ZNF536: variants seen among roughly 807,000 people sequenced by gnomAD.
The protein encoded by ZNF536 is zinc finger protein 536.
ZNF536 carries 13 observed loss-of-function variants against 84.5 expected under a neutral mutation model. The ratio of observed to expected loss-of-function variants is 0.15; its 90% CI spans 0.10 to 0.24. The LOEUF (loss-of-function observed/expected upper bound fraction) is 0.24, where lower values mean the gene tolerates loss of function less well. Among genes scored for constraint, ZNF536 ranks in the 10% least tolerant of loss-of-function variants. The probability of loss-of-function intolerance (pLI) is 1.00; values close to 1 mark genes in which losing one functional copy is unlikely to be tolerated. For synonymous variants in ZNF536, 811 were observed against 742.5 expected (o/e 1.09, Z -1.50); for missense variants, 1,536 against 1,747.5 (o/e 0.88, Z 2.16).
intron 1 of ZNF536, among the ~76,000 whole-genome samples, chr19:30,283,532 CACA>C (rs2045526000): frequency 6.6e-6 from 1 of 152,340 alleles, no homozygotes; most frequent in East Asian, 1.9e-4. Flanking sequence ...TGATGCCAAA[CACA>C]ACATCTCTAA....
intron 1 of ZNF536, among the ~76,000 whole-genome samples, chr19:30,265,845 G>A (rs989485576): frequency 1.3e-5 from 2 of 152,080 alleles, no homozygotes; most frequent in Non-Finnish European, 1.5e-5. Context: ...AGACTGCTCT[G>A]TCAAAGGGTA....
chr19:30,434,608 A>G (rs2051625703), intron 1 of ZNF536, among the ~76,000 whole-genome samples: 1 of 152,232 alleles, frequency 6.6e-6, no homozygotes, highest in South Asian at 2.1e-4. Context: ...AAGATTGTAT[A>G]AGGCTAACAT....
Position 30,697,090 on chromosome 19 carries a change from C to T in ZNF536, c.170-13667C>T, listed in dbSNP as rs548287581. Among the ~76,000 whole-genome samples, 8 of 152,106 alleles carry T rather than the reference C, an allele frequency of 5.3e-5. No homozygotes were observed. In the South Asian group the frequency reaches 6.3e-4, roughly 12 times the overall value. ...GGCCTCAGGAAACTTACAGTCATGG[C>T]GTAAGGTAAAGGGGAAGCCAGGCAT... On this transcript the variant is annotated intron_variant, in intron 1 of 1. Transcript: ENST00000592773.
At chr19:30,404,840 A>T (rs1299242220) in intron 1 of ZNF536, among the ~76,000 whole-genome samples, 1 of 152,172 alleles carries the variant, frequency 6.6e-6, no homozygotes, top group Non-Finnish European at 1.5e-5. Context: ...CTCAGTCCCC[A>T]AGACGGTCCT....
intron 1 of ZNF536, among the ~76,000 whole-genome samples, chr19:30,652,593 C>T (rs962579172): frequency 3.9e-5 from 6 of 152,256 alleles, no homozygotes; most frequent in Non-Finnish European, 8.8e-5. Flanking sequence ...CAGAGAGGTG[C>T]TTTTCTAAGG....
At position 30,618,450 on chromosome 19, in the gene ZNF536, G is replaced by A. The variant is rs762216788; in HGVS notation, c.169+68936G>A. The stretch of plus-strand genomic sequence containing the variant: ...ATCATCCAATGAAATGGATATATCC[G>A]TTTCACTATACATACATCCAAAGAA... On this transcript the variant is annotated intron_variant, in intron 1 of 1. Coordinates refer to the ZNF536 transcript ENST00000592773. 5.3e-5 allele frequency among the ~76,000 whole-genome samples: 8 copies of A among 151,992 alleles called. No homozygotes were observed. In the South Asian group the frequency reaches 6.3e-4, roughly 12 times the overall value.
At chr19:30,618,977 G>A (rs2048392066) in intron 1 of ZNF536, among the ~76,000 whole-genome samples, 1 of 152,086 alleles carries the variant, frequency 6.6e-6, no homozygotes, top group Admixed American at 6.6e-5. Flanking sequence ...ATTTGTATAA[G>A]TTTAAGGATG....
rs1359313801 is a variant in ZNF536, at chr19:30,444,249, C to A, written c.687C>A (p.His229Gln). The A allele has an allele frequency of 6.5e-7, 1 of 1,548,828 alleles. No homozygotes were observed. Among genetic ancestry groups the A allele is most frequent in the South Asian group, 1.2e-5 (1 of 85,692 alleles). ...QPRPDLKPPP[H>Q]AQQAPLAACT... Reference sequence around the variant, plus strand: ...GGCCGGACCTGAAGCCCCCGCCGCACGCCCAGCAGGCCCCGCTGGCCGCCT... The same window carrying A: ...GGCCGGACCTGAAGCCCCCGCCGCAAGCCCAGCAGGCCCCGCTGGCCGCCT... Residue 229 changes from histidine (H) to glutamine (Q), a missense_variant, in exon 2 of 5, where the codon CAC (histidine) becomes CAA (glutamine). This residue lies in a region of ZNF536 where 138 missense variants were observed against 136.8 expected (regional missense o/e 1.01). Coordinates refer to ENST00000355537, the MANE Select transcript of ZNF536 (RefSeq NM_014717.3).
At chr19:30,503,493 T>G (rs998852164) in intron 2 of ZNF536, among the ~76,000 whole-genome samples, 2 of 152,248 alleles carry the variant, frequency 1.3e-5, no homozygotes, top group Non-Finnish European at 2.9e-5. Context: ...ATGAAAGAAG[T>G]GGGCTACAAA....
intron 1 of ZNF536, among the ~76,000 whole-genome samples, chr19:30,431,992 C>CATATATATATAT (rs561025363): frequency 2.1e-5 from 3 of 144,608 alleles, no homozygotes; most frequent in Middle Eastern, 3.6e-3. Flanking sequence ...TCATTAAAAG[C>CATATATATATAT]ATATATATAT....
chr19:30,366,394 A>G (rs1453737666), intron 3 of ZNF536, among the ~76,000 whole-genome samples: 1 of 149,910 alleles, frequency 6.7e-6, no homozygotes, highest in African/African-American at 2.5e-5. Context: ...CTATCTATCT[A>G]TCTATATCTA....
At chr19:30,646,123 T>C (rs1458279929) in intron 1 of ZNF536, among the ~76,000 whole-genome samples, 2 of 152,186 alleles carry the variant, frequency 1.3e-5, no homozygotes, top group African/African-American at 2.4e-5. Flanking sequence ...CAGCTCTGGT[T>C]TGGCTTGTAG....
intron 2 of ZNF536, among the ~76,000 whole-genome samples, chr19:30,298,225 T>G (rs186570532): frequency 6.6e-6 from 1 of 152,296 alleles, no homozygotes; most frequent in East Asian, 1.9e-4. Context: ...CAGTACCCTC[T>G]TCCCTTTAGA....
intron 2 of ZNF536, among the ~76,000 whole-genome samples, chr19:30,330,758 G>A (rs1056394873): frequency 3.3e-5 from 5 of 152,158 alleles, no homozygotes; most frequent in African/African-American, 1.2e-4. Flanking sequence ...AGGGAACTTC[G>A]AGGCATTGAA....
chr19:30,247,107 G>A (rs1282990093), intron 1 of ZNF536, among the ~76,000 whole-genome samples: 2 of 152,212 alleles, frequency 1.3e-5, no homozygotes, highest in Non-Finnish European at 2.9e-5. Flanking sequence ...CTTCCCCAGT[G>A]TGTTCAAGTC....
At chr19:30,256,222 G>C (rs998835244) in intron 1 of ZNF536, among the ~76,000 whole-genome samples, 4 of 152,236 alleles carry the variant, frequency 2.6e-5, no homozygotes, top group African/African-American at 9.6e-5. Context: ...CTTTGTAGGA[G>C]TTTGTGAAAT....
intron 2 of ZNF536, among the ~76,000 whole-genome samples, chr19:30,506,586 A>C (rs1158216175): frequency 1.3e-5 from 2 of 152,198 alleles, no homozygotes; most frequent in Non-Finnish European, 2.9e-5. Flanking sequence ...GAATGCCCCC[A>C]CACTGTGGAC....
chr19:30,372,918 A>G (rs2048666288), intron 1 of ZNF536, among the ~76,000 whole-genome samples: 2 of 151,850 alleles, frequency 1.3e-5, no homozygotes, highest in East Asian at 3.9e-4. Context: ...CCTGCTTCTA[A>G]AGTAACTTTC....
At chr19:30,340,150 G>T (rs1455314222) in intron 2 of ZNF536, among the ~76,000 whole-genome samples, 1 of 152,164 alleles carries the variant, frequency 6.6e-6, no homozygotes, top group Non-Finnish European at 1.5e-5. Flanking sequence ...GGTCTCGTGG[G>T]CTGACTTGCA....
Sources: allele counts gnomAD v4.1 joint callset (sites outside exome capture counted in the v4.1 genomes callset), GRCh38; gene constraint gnomAD v4.1.1; regional missense constraint gnomAD v4.1.1; transcripts MANE v1.5; gene names NCBI Gene and HGNC (gene_info 2026-07-23, HGNC 2026-07-21).